Variants in GPM6A observed in about 807,000 individuals in gnomAD.
GPM6A encodes glycoprotein M6A, also known as neuronal membrane glycoprotein M6-a.
In GPM6A, 7 loss-of-function variants were observed where a neutral mutation model predicts 32.1. That is an observed-to-expected ratio of 0.22 (90% CI 0.12 to 0.41). GPM6A has a LOEUF of 0.41. Ranked by LOEUF, GPM6A falls within the 10% of genes least tolerant of loss-of-function variation. The probability of loss-of-function intolerance (pLI) is 1.00; values close to 1 mark genes in which losing one functional copy is unlikely to be tolerated. For synonymous variants in GPM6A, 130 were observed against 123.4 expected (o/e 1.05, Z -0.35); for missense variants, 235 against 347.2 (o/e 0.68, Z 2.57).
intron 1 of GPM6A, among the ~76,000 whole-genome samples, chr4:175,774,824 AT>A (rs1172732184): frequency 6.6e-6 from 1 of 152,116 alleles, no homozygotes. Context: ...ATAAAAACTT[AT>A]GCAAAACAGT....
At chr4:175,705,627 C>T (rs997705687) in intron 1 of GPM6A, among the ~76,000 whole-genome samples, 1 of 152,132 alleles carries the variant, frequency 6.6e-6, no homozygotes, top group Non-Finnish European at 1.5e-5. Flanking sequence ...ACAGCCTTGG[C>T]AGAGCAGCAG....
At chr4:175,956,581 G>A (rs534861454) in intron 1 of GPM6A, among the ~76,000 whole-genome samples, 1 of 152,202 alleles carries the variant, frequency 6.6e-6, no homozygotes, top group Non-Finnish European at 1.5e-5. Flanking sequence ...AATTTTTGAA[G>A]TACTTAGTTG....
chr4:175,637,648 T>TA (rs1740825585), intron 6 of GPM6A, among the ~76,000 whole-genome samples: 1 of 496 alleles, frequency 2.0e-3, no homozygotes, highest in African/African-American at 2.8e-3. Context: ...ATATATTATA[T>TA]AAAATATAAA....
At chr4:175,708,127 C>A (rs1407954848) in intron 1 of GPM6A, among the ~76,000 whole-genome samples, 1 of 152,108 alleles carries the variant, frequency 6.6e-6, no homozygotes, top group Non-Finnish European at 1.5e-5. Flanking sequence ...ATGAAAATCT[C>A]TGCTTTCATT....
At chr4:175,721,332 C>T (rs180901569) in intron 1 of GPM6A, among the ~76,000 whole-genome samples, 3 of 151,204 alleles carry the variant, frequency 2.0e-5, no homozygotes, top group Non-Finnish European at 4.4e-5. Context: ...AAAAATTAGC[C>T]GAGTGTGGTG....
chr4:175,670,615 TATA>T (rs369069018), intron 3 of GPM6A, among the ~76,000 whole-genome samples: 12 of 152,312 alleles, frequency 7.9e-5, no homozygotes, highest in Middle Eastern at 3.4e-3. Context: ...TAACTTTTCA[TATA>T]ATGTTTTAAT....
intron 6 of GPM6A, among the ~76,000 whole-genome samples, chr4:175,637,113 GTGATATATAATATATAATATATTATATA>G (rs1560841414): frequency 8.4e-5 from 8 of 94,778 alleles, no homozygotes; most frequent in East Asian, 6.5e-4. Flanking sequence ...TATATTATAT[GTGATATATAATATATAATATATTATATA>G]TGATATATTA....
intron 1 of GPM6A, among the ~76,000 whole-genome samples, chr4:175,967,437 A>C (rs1740364979): frequency 6.6e-6 from 1 of 152,338 alleles, no homozygotes; most frequent in East Asian, 1.9e-4. Context: ...TAAAGCAATA[A>C]GACAAGAAAA....
intron 1 of GPM6A, among the ~76,000 whole-genome samples, chr4:176,001,951 C>G (rs909996531): frequency 6.6e-6 from 1 of 152,190 alleles, no homozygotes; most frequent in African/African-American, 2.4e-5. Context: ...TCCTGGGTCT[C>G]TTAGTCTTTC....
chr4:175,998,893 G>A (rs1179536473), intron 1 of GPM6A, among the ~76,000 whole-genome samples: 1 of 19,536 alleles, frequency 5.1e-5, no homozygotes, highest in Non-Finnish European at 1.6e-4. Context: ...AACCTTCCAT[G>A]ACACCCTACC....
chr4:175,931,683 C>T (rs6553896), intron 1 of GPM6A, among the ~76,000 whole-genome samples: 99 of 126,336 alleles, frequency 7.8e-4, no homozygotes, highest in African/African-American at 2.2e-3. Context: ...CACACACACA[C>T]ACACACACAC....
At chr4:175,812,831 T>A (rs1734983504), upstream of GPM6A, 1 of 985,242 alleles carries the variant, frequency 1.0e-6, no homozygotes, top group Admixed American at 6.2e-5. Context: ...AAAAAAACTG[T>A]GTTTTCCTTT....
At chr4:175,905,593 A>G (rs1738104613) in intron 1 of GPM6A, among the ~76,000 whole-genome samples, 1 of 152,034 alleles carries the variant, frequency 6.6e-6, no homozygotes, top group Non-Finnish European at 1.5e-5. Flanking sequence ...TTATGACCTG[A>G]TTTTAGCCAA....
intron 1 of GPM6A, among the ~76,000 whole-genome samples, chr4:175,770,077 C>T (rs760888794): frequency 1.3e-5 from 2 of 152,098 alleles, no homozygotes; most frequent in Non-Finnish European, 2.9e-5. Context: ...TCTTGTTGCC[C>T]AGGCTGGAGT....
chr4:175,803,055 T>C (rs1734535101), intron 1 of GPM6A, among the ~76,000 whole-genome samples: 1 of 152,008 alleles, frequency 6.6e-6, no homozygotes, highest in Non-Finnish European at 1.5e-5. Flanking sequence ...GGGGAAAAAT[T>C]GTGTTTTATT....
chr4:175,645,791 C>A (rs1310145622), intron 4 of GPM6A, among the ~76,000 whole-genome samples: 3 of 152,134 alleles, frequency 2.0e-5, no homozygotes, highest in Non-Finnish European at 2.9e-5. Flanking sequence ...ATACTTATGA[C>A]ACTCTGAGGT....
intron 1 of GPM6A, among the ~76,000 whole-genome samples, chr4:175,981,726 T>C (rs955449286): frequency 6.6e-6 from 1 of 152,178 alleles, no homozygotes; most frequent in Non-Finnish European, 1.5e-5. Flanking sequence ...TACATTTTTA[T>C]TTATCTCGGG....
chr4:175,944,999 G>A (rs1025105536), intron 1 of GPM6A, among the ~76,000 whole-genome samples: 3 of 151,888 alleles, frequency 2.0e-5, no homozygotes. Context: ...GAAATAATTA[G>A]AGCAGTTTCA....
At chr4:175,947,028 G>A (rs73873505) in intron 1 of GPM6A, among the ~76,000 whole-genome samples, 8,302 of 152,212 alleles carry the variant, frequency 0.055, 699 homozygotes, top group African/African-American at 0.19. Context: ...ATGAAATGAA[G>A]TGTGTGTGGC....
Sources: allele counts gnomAD v4.1 joint callset (sites outside exome capture counted in the v4.1 genomes callset), GRCh38; gene constraint gnomAD v4.1.1; transcripts MANE v1.5; gene names NCBI Gene and HGNC (gene_info 2026-07-23, HGNC 2026-07-21).